The following MAP3K2 variants were observed in gnomAD, a reference collection of about 807,000 sequenced individuals.
MAP3K2 encodes mitogen-activated protein kinase kinase kinase 2, also known as MAP/ERK kinase kinase 2.
MAP3K2 carries 24 observed loss-of-function variants against 80.3 expected under a neutral mutation model. The ratio of observed to expected loss-of-function variants is 0.30; its 90% CI spans 0.22 to 0.42. The LOEUF (loss-of-function observed/expected upper bound fraction) is 0.42. Ranked by LOEUF, MAP3K2 falls within the 10% of genes least tolerant of loss-of-function variation. MAP3K2 has a pLI of 1.00. For synonymous variants in MAP3K2, 244 were observed against 253.7 expected, an observed-to-expected ratio of 0.96 and a Z score of 0.36; for missense variants, 608 against 750.1, an observed-to-expected ratio of 0.81 and a Z score of 2.21.
intron 9 of MAP3K2, among the ~76,000 whole-genome samples, chr2:127,325,033 A>C (rs1686103946): frequency 6.6e-6 from 1 of 152,236 alleles, no homozygotes; most frequent in Non-Finnish European, 1.5e-5. Flanking sequence ...AATCCTGAAC[A>C]GGTGAAATAA....
At position 127,321,490 on chromosome 2, in the gene MAP3K2, G is replaced by C. The variant is rs2104820641; in HGVS notation, c.1045+556C>G. Among the ~76,000 whole-genome samples the C allele has an allele frequency of 6.6e-6, 1 of 152,298 alleles. No individual in the cohort carries two copies. Among genetic ancestry groups the C allele is most frequent in the East Asian group, 1.9e-4 (1 of 5,186 alleles). On this transcript the variant is annotated intron_variant, in intron 12 of 16. Coordinates refer to ENST00000682094, the MANE Select transcript of MAP3K2 (RefSeq NM_001371910.2). The surrounding 1 kb of genome is among the most constrained non-coding windows in gnomAD (Gnocchi z 4.4). ...TGCTGCAATAAACATCTTTGAACAT[G>C]AATCTTTGTATGCACTGCTTACACA... is the stretch of plus-strand genomic sequence containing the variant.
chr2:127,357,081 AC>A (rs1215021970), intron 1 of MAP3K2, among the ~76,000 whole-genome samples: 2 of 152,240 alleles, frequency 1.3e-5, no homozygotes, highest in Non-Finnish European at 2.9e-5. Flanking sequence ...ACATGAACAG[AC>A]ATTTTTCAAA....
chr2:127,317,664 T>G lies in MAP3K2; in HGVS notation c.1291A>C (p.Lys431Gln). The G allele has an allele frequency of 6.3e-7, 1 of 1,585,752 alleles. No homozygotes were observed. The highest frequency in any genetic ancestry group is 8.6e-7 in the Non-Finnish European group (1 of 1,164,498). ...YYGCLRDPQE[K>Q]TLSIFMEYMP... ...TATTCCATAAATATGGAAAGTGTTTTTTCCTGGGGATCCCTCAAACAGCCA... is the reference window on the plus strand; with the variant it reads ...TATTCCATAAATATGGAAAGTGTTTGTTCCTGGGGATCCCTCAAACAGCCA... Residue 431 changes from lysine (K) to glutamine (Q), a missense_variant, in exon 14 of 17, where the codon AAA becomes CAA. Lys to Gln is a moderately conservative substitution (Grantham distance 53). Transcript: ENST00000682094.
chr2:127,325,639 A>G lies in MAP3K2; in HGVS notation c.677+89T>C, dbSNP rs1017074913. The G allele has an allele frequency of 9.0e-6, 9 of 1,003,468 alleles. No individual in the cohort carries two copies. In the African/African-American group the frequency reaches 1.4e-4, roughly 16 times the overall value. 62.2% of individuals were successfully genotyped at this position (1,003,468 alleles called of 1,614,324 possible). ...GGAGGTCAAGGCTGCAGTAAGCCGC[A>G]TTCACGCCACTGCGCTCCAGCCTGG... On this transcript the variant is annotated intron_variant, in intron 9 of 16. Transcript: ENST00000682094.
chr2:127,306,044 C>T lies in MAP3K2; in HGVS notation c.*1535G>A, dbSNP rs1429166394. On this transcript the variant is annotated 3_prime_UTR_variant, in exon 17 of 17. Transcript: ENST00000682094. This position sits in a 1 kb window ranked among gnomAD's most constrained non-coding sequence, Gnocchi z 4.7. Reference sequence around the variant, plus strand: ...AGTTTGTTCCTAAAATGAAGAGTTACCTATGTGGGTGCAATATGCAGCTGG... The same window carrying T: ...AGTTTGTTCCTAAAATGAAGAGTTATCTATGTGGGTGCAATATGCAGCTGG... 2 of 151,374 alleles carry T rather than the reference C, an allele frequency of 1.3e-5. No homozygotes were observed. Among genetic ancestry groups the T allele is most frequent in the Non-Finnish European group, 1.5e-5 (1 of 67,942 alleles). 9.4% of individuals were successfully genotyped at this position (151,374 alleles called of 1,614,324 possible). A position where few individuals can be genotyped will look rare whatever the true frequency, so the allele number is the denominator to read the frequency against.
rs1227110405 is a variant in MAP3K2 at position 127,322,963 on chromosome 2, C to T, written c.839-711G>A. On this transcript the variant is annotated intron_variant, in intron 11 of 16. Transcript: ENST00000682094. The surrounding 1 kb of genome is among the most constrained non-coding windows in gnomAD (Gnocchi z 4.2). ...TCATCAAAGAGTAATTTTCTAATATCATTTAAAAGTTACTCCTTTTGGATG... is the reference window on the plus strand; with the variant it reads ...TCATCAAAGAGTAATTTTCTAATATTATTTAAAAGTTACTCCTTTTGGATG... 6.6e-6 allele frequency among the ~76,000 whole-genome samples: 1 copy of T among 151,112 alleles called. No individual in the cohort carries two copies. Among genetic ancestry groups the T allele is most frequent in the African/African-American group, 2.4e-5 (1 of 41,178 alleles).
rs373214128 is a variant in MAP3K2, at chr2:127,330,428, G to A, written c.342C>T (p.Ser114=). 6.5e-5 allele frequency: 105 copies of A among 1,605,842 alleles called. No homozygotes were observed. The African/African-American group carries it at 1.3e-3, about 20-fold the overall frequency. The part of the protein sequence containing the change: ...ELLDRSIHMK[S]LKILLVINGS... Reference sequence around the variant, plus strand: ...CATTTATTACAAGTAATATCTTGAGGCTCTTCATATGAATACTACGATCCA... The same window carrying A: ...CATTTATTACAAGTAATATCTTGAGACTCTTCATATGAATACTACGATCCA... The change falls in exon 6 of 17, where the codon AGC becomes AGT. Residue 114 remains serine (S), a synonymous_variant. Transcript: ENST00000682094.
At chr2:127,380,639 C>G (rs1470373757) in intron 1 of MAP3K2, among the ~76,000 whole-genome samples, 1 of 152,118 alleles carries the variant, frequency 6.6e-6, no homozygotes, top group Non-Finnish European at 1.5e-5. Context: ...CTAATCTTAA[C>G]TCTTTAACCT....
At chr2:127,380,628 CCTAAT>C (rs1177159963) in intron 1 of MAP3K2, among the ~76,000 whole-genome samples, 1 of 152,062 alleles carries the variant, frequency 6.6e-6, no homozygotes, top group African/African-American at 2.4e-5. Context: ...AGAGTTAAGA[CCTAAT>C]CTTAACTCTT....
At chr2:127,337,415 G>T (rs538407974) in intron 4 of MAP3K2, among the ~76,000 whole-genome samples, 1 of 152,128 alleles carries the variant, frequency 6.6e-6, no homozygotes. Flanking sequence ...CTGGAGGGAT[G>T]AAACAATTAT....
At chr2:127,316,352 C>T (rs1056282861) in intron 14 of MAP3K2, among the ~76,000 whole-genome samples, 2 of 152,186 alleles carry the variant, frequency 1.3e-5, no homozygotes, top group African/African-American at 4.8e-5. Context: ...GCCTGGGCAA[C>T]AAGAGCGAAA....
chr2:127,312,071 G>A (rs1685817472), intron 15 of MAP3K2, among the ~76,000 whole-genome samples: 1 of 152,172 alleles, frequency 6.6e-6, no homozygotes, highest in African/African-American at 2.4e-5. Flanking sequence ...ATTTCTGGGG[G>A]ACTGAGGAAC....
intron 15 of MAP3K2, among the ~76,000 whole-genome samples, chr2:127,313,236 C>T (rs1404100222): frequency 1.3e-5 from 2 of 152,190 alleles, no homozygotes; most frequent in Non-Finnish European, 2.9e-5. Flanking sequence ...GGGTAGCTCC[C>T]TCAGTTCCTT....
chr2:127,361,424 A>C (rs772197017), intron 1 of MAP3K2, among the ~76,000 whole-genome samples: 4 of 152,212 alleles, frequency 2.6e-5, no homozygotes, highest in Non-Finnish European at 5.9e-5. Context: ...AATAAAAGAA[A>C]TAATACTTCC....
intron 15 of MAP3K2, among the ~76,000 whole-genome samples, chr2:127,311,287 A>G (rs1197113382): frequency 6.6e-6 from 1 of 152,146 alleles, no homozygotes; most frequent in Non-Finnish European, 1.5e-5. Flanking sequence ...CAAAAAAGCC[A>G]CCGTCTCTAG....
intron 1 of MAP3K2, among the ~76,000 whole-genome samples, chr2:127,352,419 G>A (rs1336846908): frequency 6.6e-6 from 1 of 152,108 alleles, no homozygotes; most frequent in East Asian, 1.9e-4. Flanking sequence ...ACCTGAGTCT[G>A]CTTCAGAATC....
chr2:127,388,204 C>A, upstream of MAP3K2: 2 of 985,314 alleles, frequency 2.0e-6, no homozygotes, highest in South Asian at 4.7e-5. Context: ...CCGCCCCTGC[C>A]CCGGGGCAGC....
chr2:127,382,435 G>T (rs1195517603), intron 1 of MAP3K2, among the ~76,000 whole-genome samples: 1 of 152,012 alleles, frequency 6.6e-6, no homozygotes, highest in African/African-American at 2.4e-5. Flanking sequence ...CTTTATTTTT[G>T]AAATACATAG....
intron 5 of MAP3K2, among the ~76,000 whole-genome samples, chr2:127,335,016 C>A (rs911775501): frequency 2.6e-5 from 4 of 152,140 alleles, no homozygotes; most frequent in Non-Finnish European, 5.9e-5. Context: ...GATCTGCCCA[C>A]CTCTGCCTCC....
Sources: allele counts gnomAD v4.1 joint callset (sites outside exome capture counted in the v4.1 genomes callset), GRCh38; gene constraint gnomAD v4.1.1; non-coding constraint Gnocchi (gnomAD v3.1); transcripts MANE v1.5; gene names NCBI Gene and HGNC (gene_info 2026-07-23, HGNC 2026-07-21).